Variants in CCDC7 observed in about 807,000 individuals in gnomAD.
CCDC7 encodes coiled-coil domain containing 7, also known as coiled-coil domain-containing protein 7.
CCDC7 carries 183 observed loss-of-function variants against 196.9 expected under a neutral mutation model. The observed-to-expected ratio is 0.93, with a 90% CI of 0.82 to 1.05. CCDC7 has a LOEUF of 1.05. Among genes scored for constraint, CCDC7 ranks in the 50% least tolerant of loss-of-function variants. The probability of loss-of-function intolerance (pLI) is 0.00; values close to 1 mark genes in which losing one functional copy is unlikely to be tolerated. For synonymous variants in CCDC7, 525 were observed against 484.6 expected, an observed-to-expected ratio of 1.08 and a Z score of -1.10; for missense variants, 1,540 against 1,482.2, an observed-to-expected ratio of 1.04 and a Z score of -0.64.
chr10:32,492,813 G>A (rs1326179557), intron 9 of CCDC7, among the ~76,000 whole-genome samples: 1 of 152,014 alleles, frequency 6.6e-6, no homozygotes, highest in Non-Finnish European at 1.5e-5. Flanking sequence ...CACTTAAAAT[G>A]ATTAAGATGG....
At chr10:32,694,425 C>T (rs1402974342) in intron 23 of CCDC7, among the ~76,000 whole-genome samples, 1 of 152,178 alleles carries the variant, frequency 6.6e-6, no homozygotes, top group African/African-American at 2.4e-5. Flanking sequence ...TGTCATTTTG[C>T]TTAAGGTCAC....
intron 32 of CCDC7, among the ~76,000 whole-genome samples, chr10:32,833,210 T>A (rs1011916025): frequency 1.3e-5 from 2 of 152,088 alleles, no homozygotes; most frequent in African/African-American, 2.4e-5. Flanking sequence ...AATCCTTGTA[T>A]AGTTTACTGG....
intron 25 of CCDC7, among the ~76,000 whole-genome samples, chr10:32,721,639 G>C (rs1010474534): frequency 1.3e-5 from 2 of 152,058 alleles, no homozygotes; most frequent in Non-Finnish European, 2.9e-5. Flanking sequence ...TGGGCCAAAG[G>C]CTTGGCAATT....
chr10:32,518,767 A>T lies in CCDC7; in HGVS notation c.993+262A>T, dbSNP rs2047440407. ...GCCAAATATTTAACTTTATTAAACTAACGGTAAATTAGTTTTCAAATATAT... is the reference window on the plus strand; with the variant it reads ...GCCAAATATTTAACTTTATTAAACTTACGGTAAATTAGTTTTCAAATATAT... On this transcript the variant is annotated intron_variant, in intron 11 of 41. Coordinates refer to ENST00000639629, the Ensembl canonical transcript of CCDC7. 1.3e-5 allele frequency among the ~76,000 whole-genome samples: 2 copies of T among 152,140 alleles called. 1 individual carries two copies. Among genetic ancestry groups the T allele is most frequent in the South Asian group, 4.1e-4 (2 of 4,826 alleles).
At chr10:32,634,574 C>T (rs2065334296) in intron 19 of CCDC7, among the ~76,000 whole-genome samples, 1 of 151,604 alleles carries the variant, frequency 6.6e-6, no homozygotes, top group Non-Finnish European at 1.5e-5. Flanking sequence ...TTTTTGTATC[C>T]TTAGTAGAGA....
chr10:32,599,838 T>C (rs1161428277), intron 18 of CCDC7, among the ~76,000 whole-genome samples: 1 of 152,166 alleles, frequency 6.6e-6, no homozygotes, highest in African/African-American at 2.4e-5. Flanking sequence ...TGGTAAGAGA[T>C]AGGGATAGAG....
At chr10:32,779,483 C>T (rs921618659) in intron 29 of CCDC7, among the ~76,000 whole-genome samples, 2 of 152,160 alleles carry the variant, frequency 1.3e-5, no homozygotes, top group Non-Finnish European at 2.9e-5. Flanking sequence ...GGCAATATGG[C>T]TGCCTTGTGA....
Position 32,805,802 on chromosome 10 carries a change from G to A in CCDC7, c.3097+704G>A, listed in dbSNP as rs1029822687. On this transcript the variant is annotated intron_variant, in intron 30 of 41. Transcript: ENST00000639629. Reference sequence around the variant, plus strand: ...CATTAGAGGCTTCACATTGCAGGATGTATTGAGCCATTCTTGCATTGCTAT... The same window carrying A: ...CATTAGAGGCTTCACATTGCAGGATATATTGAGCCATTCTTGCATTGCTAT... Among the ~76,000 whole-genome samples the A allele has an allele frequency of 2.6e-5, 4 of 152,212 alleles. No individual in the cohort carries two copies. In the South Asian group the frequency reaches 6.2e-4, roughly 24 times the overall value.
chr10:32,830,143 C>CATA (rs2091996967), intron 32 of CCDC7, among the ~76,000 whole-genome samples: 3 of 22,392 alleles, frequency 1.3e-4, no homozygotes, highest in Non-Finnish European at 1.4e-4. Flanking sequence ...TATATATATC[C>CATA]TATTAGTTCT....
intron 9 of CCDC7, among the ~76,000 whole-genome samples, chr10:32,509,684 A>T (rs1382114190): frequency 6.6e-6 from 1 of 152,194 alleles, no homozygotes; most frequent in African/African-American, 2.4e-5. Flanking sequence ...AAAAATATAC[A>T]AGGGACTCAT....
At position 32,500,289 on chromosome 10, in the gene CCDC7, A is replaced by G. The variant is rs572939695; in HGVS notation, c.872+8292A>G. Among the ~76,000 whole-genome samples the G allele has an allele frequency of 1.3e-3, 197 of 150,508 alleles. 1 individual carries two copies. Among genetic ancestry groups the G allele is most frequent in the African/African-American group, 4.6e-3 (187 of 40,666 alleles). On this transcript the variant is annotated intron_variant, in intron 9 of 41. Transcript: ENST00000639629. ...GGTGGAGACGCTCCTCACCTCCCAG[A>G]CGGGGCAGCTGCTGGGCGGAGGGGC...
At chr10:32,762,605 A>T (rs1223324511) in intron 28 of CCDC7, among the ~76,000 whole-genome samples, 3 of 151,634 alleles carry the variant, frequency 2.0e-5, no homozygotes, top group Non-Finnish European at 4.4e-5. Context: ...TGATTTTAAA[A>T]TATAAAAATA....
At chr10:32,759,994 A>G (rs2133814161) in intron 28 of CCDC7, among the ~76,000 whole-genome samples, 1 of 152,324 alleles carries the variant, frequency 6.6e-6, no homozygotes, top group African/African-American at 2.4e-5. Context: ...ACATGAAAAA[A>G]TGCTCATCAT....
In CCDC7 at chr10:32,474,210, C is replaced by CTTTT. The variant is rs71027095; in HGVS notation, c.796+214_796+217dup. ...GGATACGTGTTACTGAAACTAGATT[C>CTTTT]TTTTTTTTTTTTTTTTTTTTTTTTT... On this transcript the variant is annotated intron_variant, in intron 8 of 41. Coordinates refer to ENST00000639629, the Ensembl canonical transcript of CCDC7. Among the ~76,000 whole-genome samples the CTTTT allele has an allele frequency of 3.2e-3, 186 of 58,966 alleles. 24 individuals are homozygous for CTTTT. The highest frequency in any genetic ancestry group is 0.018 in the East Asian group (30 of 1,702). The allele number at this position is 58,966 out of a possible 152,430, so 38.7% of individuals were successfully genotyped here.
intron 24 of CCDC7, among the ~76,000 whole-genome samples, chr10:32,700,259 A>C (rs1357877950): frequency 2.7e-5 from 4 of 149,558 alleles, no homozygotes; most frequent in Non-Finnish European, 5.9e-5. Context: ...ATCCAGATTC[A>C]GCTTTCTCCA....
intron 31 of CCDC7, among the ~76,000 whole-genome samples, chr10:32,819,171 A>G (rs1368077506): frequency 6.6e-6 from 1 of 152,246 alleles, no homozygotes; most frequent in Non-Finnish European, 1.5e-5. Flanking sequence ...CTACCATCAG[A>G]GAATACTATA....
At chr10:32,703,835 G>A (rs936800577) in intron 24 of CCDC7, among the ~76,000 whole-genome samples, 2 of 152,006 alleles carry the variant, frequency 1.3e-5, no homozygotes, top group Admixed American at 6.5e-5. Flanking sequence ...CATTCGTCAC[G>A]TAGTTCTCGT....
intron 28 of CCDC7, among the ~76,000 whole-genome samples, chr10:32,777,369 C>A (rs1257037317): frequency 6.6e-5 from 10 of 152,054 alleles, no homozygotes; most frequent in African/African-American, 2.2e-4. Flanking sequence ...TTTGGTAGAA[C>A]AATTTATTTT....
intron 9 of CCDC7, chr10:32,514,660 T>G (rs1473921815): frequency 6.6e-6 from 1 of 152,078 alleles, no homozygotes; most frequent in Non-Finnish European, 1.5e-5. Context: ...AAAAGTGAAA[T>G]AAAGAAAACA....
Sources: gnomAD v4.1 joint callset for allele counts (sites outside exome capture counted in the v4.1 genomes callset) on GRCh38, gnomAD v4.1.1 for gene constraint, MANE v1.5 for transcripts, NCBI Gene and HGNC (gene_info 2026-07-23, HGNC 2026-07-21) for gene names.